Variants in MYBL2 observed in about 807,000 individuals in gnomAD.
MYBL2 encodes myb-related protein B.
MYBL2 carries 28 observed loss-of-function variants against 79.9 expected under a neutral mutation model. The ratio of observed to expected loss-of-function variants is 0.35; its 90% confidence interval spans 0.26 to 0.48. The LOEUF (loss-of-function observed/expected upper bound fraction) is 0.48. Ranked by LOEUF, MYBL2 falls within the 20% of genes least tolerant of loss-of-function variation. The pLI, the probability that MYBL2 is intolerant of heterozygous loss-of-function variation, is 0.99. For synonymous variants in MYBL2, 378 were observed against 361.2 expected (o/e 1.05, Z -0.53); for missense variants, 735 against 893.9 (o/e 0.82, Z 2.27).
intron 1 of MYBL2, among the ~76,000 whole-genome samples, chr20:43,671,004 T>G (rs962408256): frequency 6.7e-6 from 1 of 150,240 alleles, no homozygotes; most frequent in African/African-American, 2.5e-5. Flanking sequence ...AGTCTCCCTC[T>G]GTTGCCCAGG....
intron 6 of MYBL2, among the ~76,000 whole-genome samples, chr20:43,695,039 T>TTA (rs1987502092): frequency 6.7e-6 from 1 of 149,180 alleles, no homozygotes; most frequent in Non-Finnish European, 1.5e-5. Context: ...GGAGGTCAAT[T>TTA]TTTTTTTTTT....
chr20:43,669,828 A>G (rs924235453), intron 1 of MYBL2, among the ~76,000 whole-genome samples: 2 of 152,216 alleles, frequency 1.3e-5, no homozygotes, highest in Non-Finnish European at 2.9e-5. Context: ...TGCTGACCCT[A>G]TCAAACAGCA....
At position 43,715,193 on chromosome 20, in the gene MYBL2, C is replaced by T. The variant is rs1269100666; in HGVS notation, c.1884C>T (p.Asn628=). The T allele has an allele frequency of 5.0e-6, 8 of 1,614,270 alleles. No individual in the cohort carries two copies. The highest frequency in any genetic ancestry group is 6.8e-6 in the Non-Finnish European group (8 of 1,180,054). The change falls in exon 13 of 14, where the codon AAC becomes AAT. Residue 628 remains asparagine (N), a synonymous_variant. Transcript: ENST00000217026. The stretch of plus-strand genomic sequence containing the variant: ...CCCTGTCAGGTATCAAAGAAGACAA[C>T]AGCTTGCTCAACCAGGGCTTCTTGC... ...SLTLSGIKED[N]SLLNQGFLQA...
chr20:43,669,481 C>G (rs762448858), intron 1 of MYBL2, among the ~76,000 whole-genome samples: 3 of 152,234 alleles, frequency 2.0e-5, no homozygotes, highest in African/African-American at 7.2e-5. Context: ...CTCCTCTGCC[C>G]TAGTGCCCCA....
chr20:43,716,072 C>T lies in MYBL2; in HGVS notation c.2088C>T (p.Thr696=), dbSNP rs200062988. ...GRLKPSHTSR[T]LILS ...TGAAGCCCAGCCACACATCTCGGAC[C>T]CTCATCTTGTCCTGAGGTGTTGAGG... The change falls in exon 14 of 14, where the codon ACC becomes ACT. Residue 696 remains threonine (T), a synonymous_variant. Coordinates refer to ENST00000217026, the MANE Select transcript of MYBL2 (RefSeq NM_002466.4). 8.7e-5 allele frequency: 140 copies of T among 1,608,034 alleles called. No individual in the cohort carries two copies. In the East Asian group the frequency reaches 3.1e-3, roughly 35 times the overall value.
intron 2 of MYBL2, among the ~76,000 whole-genome samples, chr20:43,674,228 C>CG (rs1555809920): frequency 1.8e-5 from 2 of 111,820 alleles, no homozygotes; most frequent in Admixed American, 9.0e-5. Flanking sequence ...TGTAACTCCC[C>CG]CCACCCTTTT....
chr20:43,673,420 T>C (rs1246595117), intron 1 of MYBL2, among the ~76,000 whole-genome samples: 1 of 151,844 alleles, frequency 6.6e-6, no homozygotes. Context: ...GAGGATTGCT[T>C]GAGCCCAGGA....
intron 2 of MYBL2, among the ~76,000 whole-genome samples, chr20:43,676,592 G>A (rs924317441): frequency 1.3e-5 from 2 of 152,180 alleles, no homozygotes; most frequent in African/African-American, 4.8e-5. Context: ...ACTGTTTGCA[G>A]TTTTTGGCTA....
intron 9 of MYBL2, among the ~76,000 whole-genome samples, chr20:43,706,733 T>TTTTTTTTTTTTTTTA (rs1987793274): frequency 7.3e-6 from 1 of 137,044 alleles, no homozygotes; most frequent in African/African-American, 2.7e-5. Flanking sequence ...TTTTTTTTTT[T>TTTTTTTTTTTTTTTA]GAGATGGAGT....
chr20:43,671,885 T>C (rs1466527933), intron 1 of MYBL2, among the ~76,000 whole-genome samples: 3 of 151,982 alleles, frequency 2.0e-5, no homozygotes, highest in Non-Finnish European at 2.9e-5. Flanking sequence ...CGTACTGTTT[T>C]TTTTTTTTCC....
chr20:43,707,352 T>TA (rs1272625352), intron 9 of MYBL2, among the ~76,000 whole-genome samples: 1 of 152,176 alleles, frequency 6.6e-6, no homozygotes, highest in Admixed American at 6.6e-5. Context: ...AAGGCATTGA[T>TA]ACTTCTCTCT....
intron 6 of MYBL2, among the ~76,000 whole-genome samples, chr20:43,699,205 ATTTTG>A (rs372597668): frequency 0.021 from 3,247 of 151,808 alleles, 126 homozygotes; most frequent in African/African-American, 0.074. Context: ...CACCTGGCTA[ATTTTG>A]TTTTGTTTTG....
intron 1 of MYBL2, among the ~76,000 whole-genome samples, chr20:43,668,101 T>C (rs1986765505): frequency 6.6e-6 from 1 of 151,648 alleles, no homozygotes; most frequent in African/African-American, 2.4e-5. Flanking sequence ...GGGCCTGAGC[T>C]CCAAGCTTTT....
intron 5 of MYBL2, 67 bp downstream of exon 5, chr20:43,687,139 G>A: frequency 1.3e-6 from 2 of 1,508,184 alleles, no homozygotes; most frequent in Non-Finnish European, 1.8e-6. Context: ...TGATGGAGGA[G>A]GGTTCCTGGG....
chr20:43,696,171 G>A (rs1987535587), intron 6 of MYBL2, among the ~76,000 whole-genome samples: 1 of 152,080 alleles, frequency 6.6e-6, no homozygotes, highest in Non-Finnish European at 1.5e-5. Context: ...CAGAAGTAAT[G>A]CGTGATCATT....
At chr20:43,704,217 G>C (rs1987731401) in intron 8 of MYBL2, among the ~76,000 whole-genome samples, 2 of 152,076 alleles carry the variant, frequency 1.3e-5, no homozygotes, top group African/African-American at 4.8e-5. Flanking sequence ...GGTTTCTCCA[G>C]GTTGGCCAGA....
At chr20:43,695,477 C>T (rs865940233) in intron 6 of MYBL2, among the ~76,000 whole-genome samples, 4 of 152,126 alleles carry the variant, frequency 2.6e-5, no homozygotes, top group Non-Finnish European at 5.9e-5. Flanking sequence ...TAACAGTCAC[C>T]CTTGTGGCCA....
intron 9 of MYBL2, among the ~76,000 whole-genome samples, chr20:43,707,254 G>A (rs1432760435): frequency 6.6e-6 from 1 of 151,074 alleles, no homozygotes; most frequent in Non-Finnish European, 1.5e-5. Context: ...GCATAACTTA[G>A]ATAGGTTTCG....
chr20:43,698,720 G>A (rs1361974109), intron 6 of MYBL2, among the ~76,000 whole-genome samples: 1 of 140,424 alleles, frequency 7.1e-6, no homozygotes, highest in Non-Finnish European at 1.5e-5. Context: ...CCAGACTGTA[G>A]TGCAGTGGCG....
Sources: allele counts gnomAD v4.1 joint callset (sites outside exome capture counted in the v4.1 genomes callset), GRCh38; gene constraint gnomAD v4.1.1; transcripts MANE v1.5; gene names NCBI Gene and HGNC (gene_info 2026-07-23, HGNC 2026-07-21).